Variants in TMEM132B observed in about 807,000 individuals in gnomAD.
The protein encoded by TMEM132B is transmembrane protein 132B.
TMEM132B carries 18 observed loss-of-function variants against 90.8 expected under a neutral mutation model. That is an observed-to-expected ratio of 0.20 (90% CI 0.14 to 0.29). The LOEUF is 0.29. Among genes scored for constraint, TMEM132B ranks in the 10% least tolerant of loss-of-function variants. The pLI is 1.00. For missense variants in TMEM132B, 1,096 were observed against 1,326.8 expected, an observed-to-expected ratio of 0.83 and a Z score of 2.70; for synonymous variants, 504 against 523.3, an observed-to-expected ratio of 0.96 and a Z score of 0.50.
chr12:125,654,748 T>C lies in TMEM132B; in HGVS notation c.*38T>C, dbSNP rs1281235762. On this transcript the variant is annotated 3_prime_UTR_variant, in exon 9 of 9. Transcript: ENST00000682704. This position sits in a 1 kb window ranked among gnomAD's most constrained non-coding sequence, Gnocchi z 5.8. ...TGTTTGTATTCACCTTTATGCCTTC[T>C]GTTTTTTGAATGCTGGAGCAGTGAG... 2.5e-6 allele frequency: 4 copies of C among 1,577,740 alleles called. No homozygotes were observed. Among genetic ancestry groups the C allele is most frequent in the Non-Finnish European group, 3.4e-6 (4 of 1,161,736 alleles).
intron 4 of TMEM132B, among the ~76,000 whole-genome samples, chr12:125,544,925 G>A (rs897957619): frequency 1.3e-5 from 2 of 148,992 alleles, no homozygotes; most frequent in African/African-American, 5.0e-5. Flanking sequence ...GAAAACAATA[G>A]TAATCAAGCC....
intron 3 of TMEM132B, among the ~76,000 whole-genome samples, chr12:125,422,018 A>G (rs1244092600): frequency 3.9e-5 from 6 of 152,242 alleles, no homozygotes; most frequent in Admixed American, 1.3e-4. Flanking sequence ...TTGAAAGGTA[A>G]AAGAACACAC....
At chr12:125,613,810 G>A (rs1259743634) in intron 5 of TMEM132B, among the ~76,000 whole-genome samples, 1 of 152,034 alleles carries the variant, frequency 6.6e-6, no homozygotes, top group Non-Finnish European at 1.5e-5. Flanking sequence ...AAGAGGTAGA[G>A]CAAGTACATA....
chr12:125,620,518 CTG>C (rs1052232280), intron 5 of TMEM132B, among the ~76,000 whole-genome samples: 117 of 152,320 alleles, frequency 7.7e-4, no homozygotes, highest in African/African-American at 2.6e-3. Flanking sequence ...GCTTAATGTG[CTG>C]TCTTTCTCCA....
intron 1 of TMEM132B, among the ~76,000 whole-genome samples, chr12:125,243,070 CAT>C (rs1176417663): frequency 2.1e-5 from 3 of 141,976 alleles, no homozygotes; most frequent in East Asian, 2.0e-4. Flanking sequence ...TATACACACA[CAT>C]ATACATATAT....
At chr12:125,632,891 T>C (rs985679121) in intron 5 of TMEM132B, among the ~76,000 whole-genome samples, 1 of 152,166 alleles carries the variant, frequency 6.6e-6, no homozygotes, top group South Asian at 2.1e-4. Flanking sequence ...TTAAATCTTC[T>C]TGGTGTTTTA....
At chr12:125,650,289 G>A (rs1372010705) in intron 6 of TMEM132B, among the ~76,000 whole-genome samples, 5 of 152,126 alleles carry the variant, frequency 3.3e-5, no homozygotes, top group Non-Finnish European at 7.3e-5. Flanking sequence ...CTGTGAGAGG[G>A]TAGAGAACTT....
intron 3 of TMEM132B, among the ~76,000 whole-genome samples, chr12:125,471,745 A>C (rs923135981): frequency 6.6e-6 from 1 of 152,196 alleles, no homozygotes; most frequent in South Asian, 2.1e-4. Flanking sequence ...CCAGAGGACT[A>C]TCAGAGCTAA....
intron 2 of TMEM132B, among the ~76,000 whole-genome samples, chr12:125,381,328 G>C (rs549707494): frequency 6.6e-6 from 1 of 152,178 alleles, no homozygotes; most frequent in Admixed American, 6.5e-5. Context: ...TCTGGGAGGT[G>C]ATACCAGAAA....
At chr12:125,204,438 TCCG>T (rs1873135874) in intron 1 of TMEM132B, among the ~76,000 whole-genome samples, 8 of 127,148 alleles carry the variant, frequency 6.3e-5, no homozygotes, top group African/African-American at 2.0e-4. Context: ...CAATGAGGGC[TCCG>T]TGTACCAGGC....
intron 1 of TMEM132B, among the ~76,000 whole-genome samples, chr12:125,217,405 G>A (rs891666095): frequency 6.6e-6 from 1 of 152,176 alleles, no homozygotes; most frequent in African/African-American, 2.4e-5. Context: ...GGGTATAGAT[G>A]TAGAAAGTGT....
At chr12:125,528,427 T>G (rs1883552124) in intron 4 of TMEM132B, among the ~76,000 whole-genome samples, 3 of 152,232 alleles carry the variant, frequency 2.0e-5, no homozygotes, top group Admixed American at 2.0e-4. Flanking sequence ...CAGGCTACAA[T>G]GAGAGATCAT....
At chr12:125,519,709 C>G in intron 4 of TMEM132B, 84 bp downstream of exon 4, 1 of 1,374,318 alleles carries the variant, frequency 7.3e-7, no homozygotes, top group East Asian at 2.3e-5. Context: ...TTATTTTCCA[C>G]ATACCTGATA....
intron 1 of TMEM132B, among the ~76,000 whole-genome samples, chr12:125,282,238 C>T (rs886636994): frequency 6.6e-6 from 1 of 152,002 alleles, no homozygotes; most frequent in African/African-American, 2.4e-5. Context: ...TCACACTGCC[C>T]AGCTCCCTGC....
rs1887108436 is a variant in TMEM132B, at chr12:125,657,939, A to C, written c.*3229A>C. 1 of 152,298 alleles carries C rather than the reference A, an allele frequency of 6.6e-6. No homozygotes were observed. Among genetic ancestry groups the C allele is most frequent in the African/African-American group, 2.4e-5 (1 of 41,450 alleles). The allele number at this position is 152,298 out of a possible 1,614,324, so 9.4% of individuals were successfully genotyped here. A position where few individuals can be genotyped will look rare whatever the true frequency, so the allele number is the denominator to read the frequency against. ...GCTGCAGTAGAGGGCAGAGCACAGG[A>C]ATCAAGAAGCAGCTGCCACACCAAA... is the stretch of plus-strand genomic sequence containing the variant. On this transcript the variant is annotated 3_prime_UTR_variant, in exon 9 of 9. Transcript: ENST00000682704.
At chr12:125,476,470 C>A (rs911477918) in intron 3 of TMEM132B, among the ~76,000 whole-genome samples, 1 of 152,188 alleles carries the variant, frequency 6.6e-6, no homozygotes, top group East Asian at 1.9e-4. Flanking sequence ...ATCAGAACTT[C>A]ATTCCTTTTA....
At chr12:125,302,209 T>C in intron 1 of TMEM132B, among the ~76,000 whole-genome samples, 1 of 148,568 alleles carries the variant, frequency 6.7e-6, no homozygotes, top group Non-Finnish European at 1.5e-5. Context: ...AAAAATAAAT[T>C]AAAAAAAAAA....
intron 5 of TMEM132B, among the ~76,000 whole-genome samples, chr12:125,608,800 TCAC>T (rs1885757418): frequency 6.6e-6 from 1 of 152,136 alleles, no homozygotes; most frequent in South Asian, 2.1e-4. Flanking sequence ...AATTGTCCCA[TCAC>T]CACTTGTTGA....
chr12:125,439,205 G>A (rs531176574), intron 3 of TMEM132B, among the ~76,000 whole-genome samples: 22 of 151,976 alleles, frequency 1.4e-4, no homozygotes, highest in Non-Finnish European at 2.9e-4. Context: ...CGTGAAGAAT[G>A]TGGTTTGATA....
Sources: allele counts gnomAD v4.1 joint callset (sites outside exome capture counted in the v4.1 genomes callset), GRCh38; gene constraint gnomAD v4.1.1; non-coding constraint Gnocchi (gnomAD v3.1); transcripts MANE v1.5; gene names NCBI Gene and HGNC (gene_info 2026-07-23, HGNC 2026-07-21).